Variants in WDPCP observed in about 807,000 individuals in gnomAD.
The protein encoded by WDPCP is WD repeat containing planar cell polarity effector, also known as WD repeat-containing and planar cell polarity effector protein fritz homolog.
WDPCP carries 71 observed loss-of-function variants against 93.1 expected under a neutral mutation model. The observed-to-expected ratio is 0.76, with a 90% CI of 0.63 to 0.93. The LOEUF (loss-of-function observed/expected upper bound fraction) is 0.93. Ranked by LOEUF, WDPCP falls within the 40% of genes least tolerant of loss-of-function variation. The pLI, the probability that WDPCP is intolerant of heterozygous loss-of-function variation, is 0.00. For synonymous variants in WDPCP, 315 were observed against 315.0 expected, an observed-to-expected ratio of 1.00 and a Z score of 0.00; for missense variants, 844 against 887.4, an observed-to-expected ratio of 0.95 and a Z score of 0.62.
Position 63,157,180 on chromosome 2 carries a change from A to T in WDPCP, c.2079-3606T>A, listed in dbSNP as rs192583367. On this transcript the variant is annotated intron_variant, in intron 15 of 17. Coordinates refer to ENST00000272321, the MANE Select transcript of WDPCP (RefSeq NM_015910.7). ...GGATTACATTAATTTTTGAATATTG[A>T]ATAAGCTGTGCATTCCCAAGGTAAA... Among the ~76,000 whole-genome samples the T allele has an allele frequency of 4.6e-5, 7 of 151,966 alleles. No homozygotes were observed. In the East Asian group the frequency reaches 9.7e-4, roughly 21 times the overall value.
chr2:63,583,658 C>T (rs189093633), intron 1 of WDPCP, among the ~76,000 whole-genome samples: 2 of 145,126 alleles, frequency 1.4e-5, no homozygotes, highest in East Asian at 2.1e-4. Flanking sequence ...TCCAGCCTGG[C>T]GACAGAGCAA....
At chr2:63,327,526 A>G (rs1687648428) in intron 12 of WDPCP, among the ~76,000 whole-genome samples, 2 of 152,154 alleles carry the variant, frequency 1.3e-5, no homozygotes, top group African/African-American at 4.8e-5. Flanking sequence ...GTGACTCTCC[A>G]AAACCCCCGA....
intron 10 of WDPCP, among the ~76,000 whole-genome samples, chr2:63,397,575 T>C (rs1693831685): frequency 6.6e-6 from 1 of 152,076 alleles, no homozygotes; most frequent in Non-Finnish European, 1.5e-5. Flanking sequence ...TTTTCATGAG[T>C]AGGCAGAAGA....
rs1323776612 is a variant in WDPCP at position 63,182,216 on chromosome 2, C to G, written c.1916-7384G>C. 2.0e-5 allele frequency among the ~76,000 whole-genome samples: 3 copies of G among 152,148 alleles called. No individual in the cohort carries two copies. In the East Asian group the frequency reaches 5.8e-4, roughly 29 times the overall value. ...GAGTGGTGAAAGTGGTCATCATTGT[C>G]TTGTTCCAGTTCTTCGGGAGACTGC... On this transcript the variant is annotated intron_variant, in intron 14 of 17. Coordinates refer to ENST00000272321, the MANE Select transcript of WDPCP (RefSeq NM_015910.7).
chr2:63,725,031 C>T lies in WDPCP; in HGVS notation n.309-74193G>A, dbSNP rs114587259. Among the ~76,000 whole-genome samples the T allele has an allele frequency of 5.8e-3, 879 of 152,272 alleles. 13 individuals are homozygous for T. The highest frequency in any genetic ancestry group is 0.02 in the African/African-American group (812 of 41,542). ...AAGCAAATGGCTTCTACCTTGAAAGCAGCCAGTTTTTTTTCTTTCCAACTT... is the reference window on the plus strand; with the variant it reads ...AAGCAAATGGCTTCTACCTTGAAAGTAGCCAGTTTTTTTTCTTTCCAACTT... On this transcript the variant is annotated intron_variant and non_coding_transcript_variant, in intron 2 of 4. Transcript: ENST00000467687.
chr2:63,389,121 A>G (rs746912399), intron 10 of WDPCP, among the ~76,000 whole-genome samples: 20 of 152,190 alleles, frequency 1.3e-4, no homozygotes, highest in Non-Finnish European at 2.9e-4. Flanking sequence ...GTTGAAATGA[A>G]GAAAAAAATG....
intron 10 of WDPCP, 64 bp downstream of exon 10, chr2:63,403,984 T>C (rs749180517): frequency 6.3e-7 from 1 of 1,599,054 alleles, no homozygotes; most frequent in African/African-American, 1.3e-5. Context: ...ATAGTTTTAT[T>C]GCCTTAATTA....
intron 17 of WDPCP, among the ~76,000 whole-genome samples, chr2:63,123,315 G>A (rs1292055504): frequency 6.6e-6 from 1 of 151,976 alleles, no homozygotes; most frequent in Non-Finnish European, 1.5e-5. Flanking sequence ...AGAGATCCTA[G>A]GTAAATTATT....
Position 63,474,382 on chromosome 2 carries a change from T to C in WDPCP, c.384+10222A>G, listed in dbSNP as rs115802651. On this transcript the variant is annotated intron_variant, in intron 6 of 17. Coordinates refer to ENST00000272321, the MANE Select transcript of WDPCP (RefSeq NM_015910.7). ...TGGCAGACATAAGATGGTTCTCAAT[T>C]TTAAACATTTACTTTAATTGGACAT... 6.2e-3 allele frequency among the ~76,000 whole-genome samples: 943 copies of C among 152,232 alleles called. 13 individuals carry two copies. Among genetic ancestry groups the C allele is most frequent in the African/African-American group, 0.021 (892 of 41,566 alleles).
intron 15 of WDPCP, among the ~76,000 whole-genome samples, chr2:63,161,012 A>C (rs911619291): frequency 1.3e-5 from 2 of 152,236 alleles, no homozygotes; most frequent in African/African-American, 4.8e-5. Flanking sequence ...GGGGATTTGC[A>C]GATGACATGT....
chr2:63,634,186 T>C (rs528062760), intron 3 of WDPCP, among the ~76,000 whole-genome samples: 64 of 152,008 alleles, frequency 4.2e-4, no homozygotes, highest in African/African-American at 1.5e-3. Flanking sequence ...AGAAAACACA[T>C]AGGCTGAAAA....
intron 2 of WDPCP, among the ~76,000 whole-genome samples, chr2:63,716,842 T>C (rs1027072487): frequency 6.6e-6 from 1 of 152,180 alleles, no homozygotes; most frequent in African/African-American, 2.4e-5. Context: ...AAGGATTGAG[T>C]GAGGCAAAGA....
At chr2:63,465,666 A>T (rs35516797) in intron 6 of WDPCP, among the ~76,000 whole-genome samples, 36,131 of 152,184 alleles carry the variant, frequency 0.24, 5,237 homozygotes, top group East Asian at 0.66. Context: ...TCATTCCTAA[A>T]TAACTACTTA....
At chr2:63,440,100 AG>A (rs1281409200) in intron 6 of WDPCP, 1 of 462,456 alleles carries the variant, frequency 2.2e-6, no homozygotes, top group African/African-American at 1.9e-5. Flanking sequence ...AGCTACATGC[AG>A]AAACCTAATT....
At position 63,647,429 on chromosome 2, in the gene WDPCP, C is replaced by T. The variant is rs202140807; in HGVS notation, n.488+3230G>A. On this transcript the variant is annotated intron_variant and non_coding_transcript_variant, in intron 3 of 4. Coordinates refer to the WDPCP transcript ENST00000467687. ...GATTACAGGCGTGAGCCACCACACC[C>T]GGCCTATGCATTTTCAAATAGCCTG... 1.4e-4 allele frequency among the ~76,000 whole-genome samples: 21 copies of T among 152,252 alleles called. No homozygotes were observed. The East Asian group carries it at 2.7e-3, about 20-fold the overall frequency.
At chr2:63,139,170 T>TACAC (rs143596446) in intron 17 of WDPCP, among the ~76,000 whole-genome samples, 5,373 of 149,284 alleles carry the variant, frequency 0.036, 154 homozygotes, top group East Asian at 0.076. Context: ...TATATGTGTA[T>TACAC]ACACACACAC....
At chr2:63,453,047 TC>T (rs1698368044) in intron 6 of WDPCP, among the ~76,000 whole-genome samples, 2 of 152,166 alleles carry the variant, frequency 1.3e-5, no homozygotes, top group African/African-American at 4.8e-5. Flanking sequence ...GGACTTCATG[TC>T]TAAAACGCCA....
exon 1 of WDPCP, chr2:63,827,692 A>G (rs1210107759): frequency 6.6e-6 from 1 of 152,096 alleles, no homozygotes; most frequent in Admixed American, 6.6e-5. Flanking sequence ...TGTAATCAAA[A>G]CTCTGTCTCT....
At chr2:63,677,663 AAT>A (rs1710440523) in intron 2 of WDPCP, among the ~76,000 whole-genome samples, 2 of 152,208 alleles carry the variant, frequency 1.3e-5, no homozygotes, top group Admixed American at 6.5e-5. Context: ...ATATCTTCAA[AAT>A]GCTAAAAGAA....
Sources: gnomAD v4.1 joint callset for allele counts (sites outside exome capture counted in the v4.1 genomes callset) on GRCh38, gnomAD v4.1.1 for gene constraint, MANE v1.5 for transcripts, NCBI Gene and HGNC (gene_info 2026-07-23, HGNC 2026-07-21) for gene names.